FBF1: variants seen among roughly 807,000 people sequenced by gnomAD.
The protein encoded by FBF1 is Fas binding factor 1, also known as fas-binding factor 1.
In FBF1, 119 loss-of-function variants were observed where a neutral mutation model predicts 147.2. That is an observed-to-expected ratio of 0.81 (90% confidence interval 0.70 to 0.94). The LOEUF is 0.94. FBF1 is among the 40% of genes least tolerant of loss of function. The pLI is 0.00. For synonymous variants in FBF1, 601 were observed against 609.0 expected, an observed-to-expected ratio of 0.99 and a Z score of 0.19; for missense variants, 1,449 against 1,500.8, an observed-to-expected ratio of 0.97 and a Z score of 0.57.
At chr17:75,927,579 C>A in intron 8 of FBF1, 47 bp from the exon 9 acceptor site, 2 of 1,527,130 alleles carry the variant, frequency 1.3e-6, no homozygotes, top group Non-Finnish European at 1.8e-6. Flanking sequence ...CTCTCCTGGC[C>A]AAAGTCCTCC....
chr17:75,925,266 G>A lies in FBF1; in HGVS notation c.968+81C>T. 1 of 1,088,424 alleles carries A rather than the reference G, an allele frequency of 9.2e-7. No individual in the cohort carries two copies. Among genetic ancestry groups the A allele is most frequent in the Non-Finnish European group, 1.3e-6 (1 of 747,958 alleles). The allele number at this position is 1,088,424 out of a possible 1,614,324, so 67.4% of individuals were successfully genotyped here. A position where few individuals can be genotyped will look rare whatever the true frequency, so the allele number is the denominator to read the frequency against. On this transcript the variant is annotated intron_variant, in intron 13 of 29. Transcript: ENST00000636174. The surrounding 1 kb of genome is among the most constrained non-coding windows in gnomAD (Gnocchi z 5.0). ...CCTCCCACATGAGACTCTCGGGTGGGACAGGGGACAGCTGCAGGGGCCTGT... is the reference window on the plus strand; with the variant it reads ...CCTCCCACATGAGACTCTCGGGTGGAACAGGGGACAGCTGCAGGGGCCTGT...
intron 5 of FBF1, among the ~76,000 whole-genome samples, chr17:75,932,205 A>G (rs1370064952): frequency 6.6e-6 from 1 of 151,820 alleles, no homozygotes; most frequent in Admixed American, 6.6e-5. Flanking sequence ...ACATGGTGAA[A>G]CCCCATCTCC....
rs144888266 is a variant in FBF1 at position 75,914,084 on chromosome 17, G to C, written c.2992-34C>G. The stretch of plus-strand genomic sequence containing the variant: ...AGGCCGCCTGGGTCAGGGCTGCCTG[G>C]GCTCAGATGCGCCCACGCCCATGTG... On this transcript the variant is annotated intron_variant, in intron 26 of 29. Coordinates refer to ENST00000636174, the MANE Select transcript of FBF1 (RefSeq NM_001319193.2). 5,085 of 1,593,674 alleles carry C rather than the reference G, an allele frequency of 3.2e-3. 15 individuals are homozygous for C. The highest frequency in any genetic ancestry group is 5.5e-3 in the Admixed American group (324 of 58,868).
intron 7 of FBF1, 33 bp downstream of exon 7, chr17:75,929,964 C>CCCCCCTCAAA: frequency 1.2e-5 from 17 of 1,402,202 alleles, no homozygotes; most frequent in South Asian, 5.0e-5. Context: ...CACCCACCCC[C>CCCCCCTCAAA]AGTTCTAAGA....
At chr17:75,912,139 T>G in intron 29 of FBF1, 53 bp downstream of exon 29, 7 of 1,524,674 alleles carry the variant, frequency 4.6e-6, no homozygotes, top group Non-Finnish European at 6.2e-6. Flanking sequence ...GCCTCTGCCC[T>G]GAGCTGGAAG....
intron 7 of FBF1, among the ~76,000 whole-genome samples, chr17:75,929,058 A>G (rs2065579029): frequency 6.6e-6 from 1 of 150,778 alleles, no homozygotes; most frequent in Admixed American, 6.6e-5. Flanking sequence ...TGGTGTGATC[A>G]TAGCTCATTG....
intron 5 of FBF1, among the ~76,000 whole-genome samples, chr17:75,932,100 G>T (rs1287977423): frequency 6.6e-6 from 1 of 152,176 alleles, no homozygotes; most frequent in African/African-American, 2.4e-5. Flanking sequence ...CCAGGAGCTG[G>T]CCAGGCGCGG....
Position 75,923,210 on chromosome 17 carries a change from GTCCCC to G in FBF1, c.1395_1399del (p.Gly466SerfsTer18). On this transcript the variant is annotated frameshift_variant, in exon 14 of 30. Coordinates refer to ENST00000636174, the MANE Select transcript of FBF1 (RefSeq NM_001319193.2). LOFTEE classifies it high-confidence loss of function. The surrounding 1 kb of genome is among the most constrained non-coding windows in gnomAD (Gnocchi z 4.1). ...CCTGCCAGAAGGGGGATGGCCCGCT[GTCCCC>G]GCCAAATGCAGGCCCTCAGAGGTCC... 1 of 1,589,256 alleles carries G rather than the reference GTCCCC, an allele frequency of 6.3e-7. No homozygotes were observed.
At position 75,926,156 on chromosome 17, in the gene FBF1, G is replaced by C; in HGVS notation, c.742C>G (p.Pro248Ala). 6.2e-7 allele frequency: 1 copy of C among 1,607,992 alleles called. No individual in the cohort carries two copies. Among genetic ancestry groups the C allele is most frequent in the African/African-American group, 1.3e-5 (1 of 75,000 alleles). ...EKRQIGDQEG[P>A]RPARSTLDEL... ...TCCAGCGTGGAGCGAGCAGGGCGAGGCCCTTCCCTGCAGGACGGGACACAC... is the reference window on the plus strand; with the variant it reads ...TCCAGCGTGGAGCGAGCAGGGCGAGCCCCTTCCCTGCAGGACGGGACACAC... Residue 248 changes from proline to alanine, a missense_variant, in exon 12 of 30, where the codon CCT becomes GCT. Pro to Ala is a conservative substitution (Grantham distance 27). Coordinates refer to ENST00000636174, the MANE Select transcript of FBF1 (RefSeq NM_001319193.2).
chr17:75,923,648 G>A lies in FBF1; in HGVS notation c.969-7C>T, dbSNP rs528510278. On this transcript the variant is annotated splice_region_variant and splice_polypyrimidine_tract_variant and intron_variant, in intron 13 of 29. Coordinates refer to ENST00000636174, the MANE Select transcript of FBF1 (RefSeq NM_001319193.2). The surrounding 1 kb of genome is among the most constrained non-coding windows in gnomAD (Gnocchi z 4.1). ...ACTGTCTGCGAAGAACCTACTTCAA[G>A]ACAGAAAGGAGGGTGTCAGGCAGGG... The A allele has an allele frequency of 1.3e-6, 2 of 1,585,216 alleles. No homozygotes were observed. Among genetic ancestry groups the A allele is most frequent in the East Asian group, 2.3e-5 (1 of 44,266 alleles).
At chr17:75,930,105 T>A in intron 6 of FBF1, 58 bp from the exon 7 acceptor site, 1 of 1,383,572 alleles carries the variant, frequency 7.2e-7, no homozygotes, top group Non-Finnish European at 1.0e-6. Flanking sequence ...CAAGGCCCAA[T>A]AAAACTCAGG....
intron 18 of FBF1, 55 bp downstream of exon 18, chr17:75,920,219 T>C (rs2065516682): frequency 5.6e-6 from 9 of 1,593,338 alleles, no homozygotes; most frequent in South Asian, 3.4e-5. Context: ...CCACTCTCAG[T>C]GTCCCCTCCT....
Position 75,938,246 on chromosome 17 carries a change from T to G in FBF1, c.-83-14A>C. ...GGCTCATACTCCCTAATGAAGAAAATTAAAGTGGTTGCTTAAAAATGATGT... is the reference window on the plus strand; with the variant it reads ...GGCTCATACTCCCTAATGAAGAAAAGTAAAGTGGTTGCTTAAAAATGATGT... On this transcript the variant is annotated splice_polypyrimidine_tract_variant and intron_variant, in intron 1 of 29. Transcript: ENST00000636174. The G allele has an allele frequency of 6.4e-7, 1 of 1,555,064 alleles. No homozygotes were observed. Among genetic ancestry groups the G allele is most frequent in the Non-Finnish European group, 8.8e-7 (1 of 1,135,984 alleles).
chr17:75,938,023 C>T (rs1256771219), intron 2 of FBF1, 124 bp downstream of exon 2: 1 of 1,434,582 alleles, frequency 7.0e-7, no homozygotes. Context: ...TCACTCTTCT[C>T]CAGGGTCTCC....
At chr17:75,926,981 A>G (rs2065566021) in intron 9 of FBF1, 104 bp from the exon 10 acceptor site, 1 of 1,467,788 alleles carries the variant, frequency 6.8e-7, no homozygotes, top group East Asian at 2.5e-5. Context: ...TAGCTGCTCC[A>G]GTACATAAAC....
intron 7 of FBF1, 33 bp downstream of exon 7, chr17:75,929,964 C>CCCCCCCAAAAAAA: frequency 1.4e-6 from 2 of 1,402,202 alleles, no homozygotes; most frequent in South Asian, 1.2e-5. Context: ...CACCCACCCC[C>CCCCCCCAAAAAAA]AGTTCTAAGA....
chr17:75,918,384 C>T lies in FBF1; in HGVS notation c.2139-115G>A. 1 of 762,772 alleles carries T rather than the reference C, an allele frequency of 1.3e-6. No individual in the cohort carries two copies. The highest frequency in any genetic ancestry group is 2.1e-6 in the Non-Finnish European group (1 of 478,238). 47.3% of individuals were successfully genotyped at this position (762,772 alleles called of 1,614,324 possible). ...CCCTTGCTCCCAGGCCTCTCCTCCG[C>T]CGGGCACTGCCTCAGTTTCCCCAGC... On this transcript the variant is annotated intron_variant, in intron 20 of 29. Transcript: ENST00000636174. The surrounding 1 kb of genome is among the most constrained non-coding windows in gnomAD (Gnocchi z 5.8).
In FBF1 at chr17:75,917,857, G is replaced by T. The variant is rs756024991; in HGVS notation, c.2387-7C>A. The T allele has an allele frequency of 6.9e-6, 11 of 1,596,280 alleles. No individual in the cohort carries two copies. The African/African-American group carries it at 1.4e-4, about 20-fold the overall frequency. ...CCCAGCCGCTCCTGCAGTGCTGGGG[G>T]CAACCCACAGGGTGCTCAGCAGCTG... On this transcript the variant is annotated splice_polypyrimidine_tract_variant and splice_region_variant and intron_variant, in intron 22 of 29. Coordinates refer to ENST00000636174, the MANE Select transcript of FBF1 (RefSeq NM_001319193.2).
At chr17:75,927,320 A>G (rs1037160277) in intron 9 of FBF1, 135 bp downstream of exon 9, 2 of 700,718 alleles carry the variant, frequency 2.9e-6, no homozygotes, top group Admixed American at 2.8e-5. Flanking sequence ...TGGTCCCGAC[A>G]TGAATTCACG....
Sources: allele counts gnomAD v4.1 joint callset (sites outside exome capture counted in the v4.1 genomes callset), GRCh38; gene constraint gnomAD v4.1.1; non-coding constraint Gnocchi (gnomAD v3.1); transcripts MANE v1.5; gene names NCBI Gene and HGNC (gene_info 2026-07-23, HGNC 2026-07-21).